Variants in ADNP observed in about 807,000 individuals in gnomAD.
The protein encoded by ADNP is activity-dependent neuroprotector homeobox protein.
Under a neutral mutation model 84.9 loss-of-function variants are expected in ADNP, and 4 were observed. The ratio of observed to expected loss-of-function variants is 0.05; its 90% CI spans 0.02 to 0.11. ADNP has a LOEUF of 0.11. Among genes scored for constraint, ADNP ranks in the 10% least tolerant of loss-of-function variants. ADNP has a pLI of 1.00. For missense variants in ADNP, 1,132 were observed against 1,326.0 expected (o/e 0.85, Z 2.27); for synonymous variants, 554 against 468.1 (o/e 1.18, Z -2.37).
intron 2 of ADNP, among the ~76,000 whole-genome samples, chr20:50,922,476 A>AC (rs1381628592): frequency 1.3e-5 from 2 of 151,594 alleles, no homozygotes; most frequent in Admixed American, 1.3e-4. Context: ...AAGTACAGAT[A>AC]AAGAAATGCG....
Position 50,893,864 on chromosome 20 carries a change from G to A in ADNP, c.850C>T (p.Pro284Ser), listed in dbSNP as rs745897751. ...KPQDKKSMGL[P>S]PRIGSLASGN... The stretch of plus-strand genomic sequence containing the variant: ...GAAGCAAGGGAACCGATCCTTGGTG[G>A]GAGTCCCATGCTCTTCTTGTCTTGA... Residue 284 changes from proline to serine, a missense_variant, in exon 6 of 6, where the codon CCA (proline) becomes TCA (serine). Around this residue, in one of 10 missense-constraint regions of ADNP, gnomAD observed 239 missense variants for 213.2 expected, o/e 1.12. Transcript: ENST00000621696. This position sits in a 1 kb window ranked among gnomAD's most constrained non-coding sequence, Gnocchi z 4.4. 1 of 1,614,198 alleles carries A rather than the reference G, an allele frequency of 6.2e-7. No individual in the cohort carries two copies.
chr20:50,929,215 G>C (rs1204528350), intron 1 of ADNP, among the ~76,000 whole-genome samples: 1 of 152,186 alleles, frequency 6.6e-6, no homozygotes, highest in Admixed American at 6.5e-5. Flanking sequence ...ACCAGACTTA[G>C]GAAAGATATG....
chr20:50,926,094 T>C (rs112601246), intron 2 of ADNP, among the ~76,000 whole-genome samples: 5 of 152,174 alleles, frequency 3.3e-5, no homozygotes, highest in African/African-American at 1.2e-4. Context: ...AGCAAGACTG[T>C]CTCAAACAAA....
intron 2 of ADNP, among the ~76,000 whole-genome samples, chr20:50,920,001 G>A (rs762689270): frequency 3.3e-5 from 5 of 152,124 alleles, no homozygotes; most frequent in South Asian, 2.1e-4. Context: ...AATCCAGGCC[G>A]GGTGTGGTGG....
intron 2 of ADNP, among the ~76,000 whole-genome samples, chr20:50,926,445 TTTTC>T (rs1356315659): frequency 6.6e-6 from 1 of 152,206 alleles, no homozygotes; most frequent in Non-Finnish European, 1.5e-5. Flanking sequence ...CTTCCTATTT[TTTTC>T]TTTCATATTA....
Position 50,893,764 on chromosome 20 carries a change from G to A in ADNP, c.950C>T (p.Thr317Ile), listed in dbSNP as rs745989325. The A allele has an allele frequency of 2.1e-5, 34 of 1,614,138 alleles. No individual in the cohort carries two copies. Among genetic ancestry groups the A allele is most frequent in the Non-Finnish European group, 2.7e-5 (32 of 1,180,038 alleles). The part of the protein sequence containing the change: ...LSIPKPNLNS[T>I]GVNMMSSVHL... ...AACACTGGACATCATGTTGACTCCT[G>A]TAGAATTTAAGTTAGGCTTTGGTAT... Residue 317 changes from threonine to isoleucine, a missense_variant, in exon 6 of 6, where the codon ACA (threonine) becomes ATA (isoleucine). By Grantham distance (89) the Thr-to-Ile change is moderately conservative (BLOSUM62 -1). Around this residue, in one of 10 missense-constraint regions of ADNP, gnomAD observed 239 missense variants for 213.2 expected, o/e 1.12. Transcript: ENST00000621696. This position sits in a 1 kb window ranked among gnomAD's most constrained non-coding sequence, Gnocchi z 4.4.
chr20:50,907,977 C>G (rs1982653843), intron 2 of ADNP, among the ~76,000 whole-genome samples: 3 of 152,132 alleles, frequency 2.0e-5, no homozygotes, highest in South Asian at 4.1e-4. Flanking sequence ...ATGCGTATTT[C>G]TGACATTCCT....
chr20:50,889,835 C>CA lies in ADNP; in HGVS notation c.*1569dup, dbSNP rs1980472177. On this transcript the variant is annotated 3_prime_UTR_variant, in exon 6 of 6. Transcript: ENST00000621696. ...GCTCCTTCCATCTTTACAGCCCTGT[C>CA]AGTGCTGTGCTCTTCAAAGCCTTTC... 3.5e-5 allele frequency: 14 copies of CA among 398,548 alleles called. No homozygotes were observed. In the East Asian group the frequency reaches 5.0e-4, roughly 14 times the overall value. 24.7% of individuals were successfully genotyped at this position (398,548 alleles called of 1,614,324 possible). A position where few individuals can be genotyped will look rare whatever the true frequency, so the allele number is the denominator to read the frequency against.
chr20:50,893,647 G>A lies in ADNP; in HGVS notation c.1067C>T (p.Pro356Leu). 2 of 1,614,172 alleles carry A rather than the reference G, an allele frequency of 1.2e-6. No individual in the cohort carries two copies. The highest frequency in any genetic ancestry group is 1.7e-6 in the Non-Finnish European group (2 of 1,180,042). The part of the protein sequence containing the change: ...SMRLGLGGNA[P>L]VSIPQQSQSV... ...CTGAGATTGTTGAGGAATGGAAACT[G>A]GTGCGTTGCCACCTAGACCCAGTCT... Residue 356 changes from proline (P) to leucine (L), a missense_variant, in exon 6 of 6, where the codon CCA (proline) becomes CTA (leucine). This residue lies in a region of ADNP where 239 missense variants were observed against 213.2 expected (regional missense o/e 1.12). Coordinates refer to ENST00000621696, the MANE Select transcript of ADNP (RefSeq NM_001282531.3). The surrounding 1 kb of genome is among the most constrained non-coding windows in gnomAD (Gnocchi z 4.4).
chr20:50,891,147 T>C lies in ADNP; in HGVS notation c.*258A>G. On this transcript the variant is annotated 3_prime_UTR_variant, in exon 6 of 6. Coordinates refer to ENST00000621696, the MANE Select transcript of ADNP (RefSeq NM_001282531.3). ...AAGGCAGATAAAATAAACCTCTGCT[T>C]TTCCTCGTGTGTATTCATGAGTCAC... The C allele has an allele frequency of 8.0e-7, 1 of 1,256,822 alleles. No homozygotes were observed. The highest frequency in any genetic ancestry group is 1.5e-5 in the African/African-American group (1 of 64,860). The allele number at this position is 1,256,822 out of a possible 1,614,324, so 77.9% of individuals were successfully genotyped here.
intron 2 of ADNP, among the ~76,000 whole-genome samples, chr20:50,916,185 T>C (rs1039808555): frequency 2.6e-5 from 4 of 152,204 alleles, no homozygotes; most frequent in African/African-American, 9.7e-5. Context: ...TATAGCATTC[T>C]TTACAAAAAC....
intron 2 of ADNP, among the ~76,000 whole-genome samples, chr20:50,907,578 T>C (rs946590231): frequency 6.6e-5 from 10 of 150,950 alleles, no homozygotes; most frequent in Admixed American, 5.3e-4. Context: ...GGAATGTATG[T>C]TCATGTTAAC....
rs1980633583 is a variant in ADNP, at chr20:50,890,976, A to C, written c.*429T>G. On this transcript the variant is annotated 3_prime_UTR_variant, in exon 6 of 6. Coordinates refer to ENST00000621696, the MANE Select transcript of ADNP (RefSeq NM_001282531.3). The stretch of plus-strand genomic sequence containing the variant: ...TACATTTCAACTATTCAGAATGAAT[A>C]CATGAAAAAAAATCGCTTTTCCCAA... 1.0e-6 allele frequency: 1 copy of C among 993,862 alleles called. No homozygotes were observed. The highest frequency in any genetic ancestry group is 1.2e-6 in the Non-Finnish European group (1 of 836,052). The allele number at this position is 993,862 out of a possible 1,614,324, so 61.6% of individuals were successfully genotyped here.
intron 2 of ADNP, among the ~76,000 whole-genome samples, chr20:50,923,793 C>T (rs1223960278): frequency 6.6e-6 from 1 of 152,196 alleles, no homozygotes; most frequent in Non-Finnish European, 1.5e-5. Flanking sequence ...GCTGGGATTA[C>T]AGATGTAAGC....
intron 2 of ADNP, among the ~76,000 whole-genome samples, chr20:50,911,082 A>ATCC (rs1233524357): frequency 6.6e-6 from 1 of 152,218 alleles, no homozygotes; most frequent in Non-Finnish European, 1.5e-5. Context: ...CCAGGCCCAT[A>ATCC]TCCTATTCAT....
intron 2 of ADNP, among the ~76,000 whole-genome samples, chr20:50,924,326 T>TG (rs1984152340): frequency 6.6e-6 from 1 of 152,208 alleles, no homozygotes; most frequent in South Asian, 2.1e-4. Context: ...CTCTCCCTGC[T>TG]GGGGGTGTGG....
intron 5 of ADNP, among the ~76,000 whole-genome samples, chr20:50,895,158 TACAGTCATGTGTTGCTAAACC>T (rs1309360869): frequency 2.0e-5 from 3 of 152,250 alleles, no homozygotes; most frequent in Non-Finnish European, 4.4e-5. Context: ...AGGTTTACTA[TACAGTCATGTGTTGCTAAACC>T]ACAGGGATGC....
chr20:50,922,137 C>T (rs935577026), intron 2 of ADNP, among the ~76,000 whole-genome samples: 5 of 152,208 alleles, frequency 3.3e-5, no homozygotes, highest in African/African-American at 1.2e-4. Context: ...TGTTTTTCCT[C>T]TGCCCTCACA....
At chr20:50,925,263 T>TACACACACAC (rs57985341) in intron 2 of ADNP, among the ~76,000 whole-genome samples, 9,152 of 148,990 alleles carry the variant, frequency 0.061, 293 homozygotes, top group Non-Finnish European at 0.071. Context: ...TGACTTCCTA[T>TACACACACAC]ACACACACAC....
Sources: allele counts gnomAD v4.1 joint callset (sites outside exome capture counted in the v4.1 genomes callset), GRCh38; gene constraint gnomAD v4.1.1; regional missense constraint gnomAD v4.1.1; non-coding constraint Gnocchi (gnomAD v3.1); transcripts MANE v1.5; gene names NCBI Gene and HGNC (gene_info 2026-07-23, HGNC 2026-07-21).